The following NADSYN1 variants were observed in gnomAD, a reference collection of about 807,000 sequenced individuals.
NADSYN1 encodes NAD synthetase 1.
Under a neutral mutation model 99.3 loss-of-function variants are expected in NADSYN1, and 80 were observed. That is an observed-to-expected ratio of 0.81 (90% CI 0.67 to 0.97). The LOEUF is 0.97. Among genes scored for constraint, NADSYN1 ranks in the 50% least tolerant of loss-of-function variants. The pLI, the probability that NADSYN1 is intolerant of heterozygous loss-of-function variation, is 0.00. For missense variants in NADSYN1, 859 were observed against 948.5 expected (o/e 0.91, Z 1.24); for synonymous variants, 385 against 372.1 (o/e 1.03, Z -0.40).
At chr11:71,469,258 C>A (rs988598825) in intron 5 of NADSYN1, among the ~76,000 whole-genome samples, 1 of 152,182 alleles carries the variant, frequency 6.6e-6, no homozygotes, top group Non-Finnish European at 1.5e-5. Flanking sequence ...GAGACCAGCT[C>A]AGAAGTTCGA....
chr11:71,495,556 A>G lies in NADSYN1; in HGVS notation c.1765-1927A>G, dbSNP rs190330697. ...CTCCCTGGTTGACAGAGTTGTTCGT[A>G]TCTTCTGTTTCCTTGTTGATTTTTC... On this transcript the variant is annotated intron_variant, in intron 18 of 20. Transcript: ENST00000319023. Among the ~76,000 whole-genome samples the G allele has an allele frequency of 3.7e-3, 563 of 152,270 alleles. 7 individuals carry two copies. Among genetic ancestry groups the G allele is most frequent in the African/African-American group, 0.013 (542 of 41,552 alleles).
intron 20 of NADSYN1, among the ~76,000 whole-genome samples, chr11:71,500,323 C>T (rs1387210880): frequency 6.6e-6 from 1 of 152,188 alleles, no homozygotes; most frequent in African/African-American, 2.4e-5. Flanking sequence ...CATCTCTGAG[C>T]AGGTGGCCTG....
At chr11:71,467,490 GA>G in intron 5 of NADSYN1, among the ~76,000 whole-genome samples, 1 of 152,304 alleles carries the variant, frequency 6.6e-6, no homozygotes, top group East Asian at 1.9e-4. Context: ...ACACAGAATA[GA>G]AGATAAGTGT....
chr11:71,458,796 ACT>A (rs1303983444), intron 3 of NADSYN1: 10 of 423,316 alleles, frequency 2.4e-5, no homozygotes, highest in Non-Finnish European at 3.5e-5. Context: ...ACATCAGCAG[ACT>A]CTGCACAAAG....
chr11:71,490,891 A>C lies in NADSYN1; in HGVS notation c.1609A>C (p.Asn537His). The change falls in exon 17 of 21, where the codon AAC becomes CAC. Residue 537 changes from asparagine (N) to histidine (H), a missense_variant. Coordinates refer to ENST00000319023, the MANE Select transcript of NADSYN1 (RefSeq NM_018161.5). ...GTACGACTGCTCCAGTGCGGACATC[A>C]ACCCCATAGGCGGGATCAGCAAGAC... Reference protein sequence around the residue: ...TKYDCSSADINPIGGISKTDL... With the variant: ...TKYDCSSADIHPIGGISKTDL... The C allele has an allele frequency of 6.2e-7, 1 of 1,614,144 alleles. No individual in the cohort carries two copies. The highest frequency in any genetic ancestry group is 1.1e-5 in the South Asian group (1 of 91,084).
At position 71,498,380 on chromosome 11, in the gene NADSYN1, C is replaced by T. The variant is rs772513758; in HGVS notation, c.1922C>T (p.Ser641Phe). ...GCTGACAAAGTGAAGCGGTTTTTCTCCAAGTACTCCATGAACAGACACAAG... is the reference window on the plus strand; with the variant it reads ...GCTGACAAAGTGAAGCGGTTTTTCTTCAAGTACTCCATGAACAGACACAAG... ...QVADKVKRFF[S>F]KYSMNRHKMT... Residue 641 changes from serine (S) to phenylalanine (F), a missense_variant, in exon 20 of 21, where the codon TCC becomes TTC. Transcript: ENST00000319023. The T allele has an allele frequency of 6.2e-6, 10 of 1,614,180 alleles. No individual in the cohort carries two copies. In the South Asian group the frequency reaches 1.1e-4, roughly 18 times the overall value.
At chr11:71,474,570 C>T (rs1341462941) in intron 9 of NADSYN1, 44 bp downstream of exon 9, 6 of 1,612,364 alleles carry the variant, frequency 3.7e-6, no homozygotes, top group South Asian at 1.1e-5. Flanking sequence ...GTTCTCTGTG[C>T]AGAGACCGAG....
chr11:71,488,755 C>T (rs1024622130), intron 16 of NADSYN1, among the ~76,000 whole-genome samples: 1 of 152,160 alleles, frequency 6.6e-6, no homozygotes, highest in Admixed American at 6.5e-5. Flanking sequence ...CTCAAACAAT[C>T]CTCCCACCTT....
chr11:71,471,559 G>A (rs1269113403), intron 5 of NADSYN1, among the ~76,000 whole-genome samples: 1 of 152,168 alleles, frequency 6.6e-6, no homozygotes, highest in African/African-American at 2.4e-5. Flanking sequence ...TGCATGAGTC[G>A]AGGGAAAGGT....
chr11:71,472,572 G>T, intron 6 of NADSYN1, 72 bp downstream of exon 6: 7 of 1,402,146 alleles, frequency 5.0e-6, no homozygotes, highest in Non-Finnish European at 7.1e-6. Flanking sequence ...GACCAGGTGG[G>T]GCGGGAACGC....
intron 16 of NADSYN1, among the ~76,000 whole-genome samples, chr11:71,486,392 C>T (rs963150189): frequency 3.7e-4 from 56 of 152,118 alleles, no homozygotes; most frequent in African/African-American, 1.1e-3. Flanking sequence ...CTCACCTGTC[C>T]GTTCATCCAC....
At chr11:71,495,502 G>T (rs975121178) in intron 18 of NADSYN1, among the ~76,000 whole-genome samples, 2 of 152,250 alleles carry the variant, frequency 1.3e-5, no homozygotes, top group Admixed American at 6.5e-5. Context: ...CTGCCGCTGG[G>T]TGCAGTGCCC....
chr11:71,468,417 T>A (rs1949607425), intron 5 of NADSYN1, among the ~76,000 whole-genome samples: 1 of 152,034 alleles, frequency 6.6e-6, no homozygotes, highest in Admixed American at 6.6e-5. Flanking sequence ...TGTAGGAGGG[T>A]AAAGATAAAG....
intron 13 of NADSYN1, 73 bp downstream of exon 13, chr11:71,482,098 A>AG: frequency 7.3e-7 from 1 of 1,361,984 alleles, no homozygotes. Flanking sequence ...GGGACCTAGG[A>AG]GGGGGCAGAG....
chr11:71,473,357 C>T lies in NADSYN1; in HGVS notation c.539C>T (p.Thr180Ile), dbSNP rs751051804. The change falls in exon 7 of 21, where the codon ACA (threonine) becomes ATA (isoleucine). Residue 180 changes from threonine to isoleucine, a missense_variant. By Grantham distance (89) the Thr-to-Ile change is moderately conservative (BLOSUM62 -1). Transcript: ENST00000319023. ...IGSEICEELW[T>I]PHSPHIDMGL... ...AGTGAGATCTGTGAGGAGCTCTGGA[C>T]ACCCCACAGGTCAGCCCCATGCCCC... 2 of 1,614,136 alleles carry T rather than the reference C, an allele frequency of 1.2e-6. No homozygotes were observed. The highest frequency in any genetic ancestry group is 2.2e-5 in the South Asian group (2 of 91,090).
intron 13 of NADSYN1, 131 bp downstream of exon 13, chr11:71,482,156 C>T (rs778988070): frequency 4.2e-5 from 32 of 754,938 alleles, no homozygotes; most frequent in East Asian, 5.4e-5. Flanking sequence ...TTTGTGGCCA[C>T]GCACAAATGT....
chr11:71,495,063 G>T lies in NADSYN1; in HGVS notation c.1765-2420G>T, dbSNP rs187065354. Among the ~76,000 whole-genome samples the T allele has an allele frequency of 1.2e-3, 178 of 151,996 alleles. 1 individual carries two copies. Among genetic ancestry groups the T allele is most frequent in the Non-Finnish European group, 2.1e-3 (141 of 67,988 alleles). On this transcript the variant is annotated intron_variant, in intron 18 of 20. Coordinates refer to ENST00000319023, the MANE Select transcript of NADSYN1 (RefSeq NM_018161.5). ...TCTCTGTCATTTCCTTCCTCGTGCT[G>T]GCTTTGGGTTTCATTTGCTCTTCTT...
intron 3 of NADSYN1, chr11:71,459,200 G>A (rs193159456): frequency 8.9e-4 from 147 of 164,868 alleles, no homozygotes; most frequent in African/African-American, 3.4e-3. Flanking sequence ...TGTGTGTGCT[G>A]TGCTGGTGTC....
At chr11:71,473,782 A>C (rs1178048494) in intron 8 of NADSYN1, 96 bp downstream of exon 8, 1 of 881,704 alleles carries the variant, frequency 1.1e-6, no homozygotes. Flanking sequence ...GGGCCCACAC[A>C]CAATGGATGT....
Sources: allele counts gnomAD v4.1 joint callset (sites outside exome capture counted in the v4.1 genomes callset), GRCh38; gene constraint gnomAD v4.1.1; transcripts MANE v1.5; gene names NCBI Gene and HGNC (gene_info 2026-07-23, HGNC 2026-07-21).